LRRC9: variants seen among roughly 807,000 people sequenced by gnomAD.
The protein encoded by LRRC9 is leucine-rich repeat-containing protein 9.
In LRRC9, 122 loss-of-function variants were observed where a neutral mutation model predicts 63.2. The ratio of observed to expected loss-of-function variants is 1.93; its 90% CI spans 1.67 to 2.24. LRRC9 has a LOEUF of 2.24. Among genes scored for constraint, LRRC9 ranks in the 30% most tolerant of loss-of-function variants. LRRC9 has a pLI of 0.00. For missense variants in LRRC9, 1,071 were observed against 627.7 expected (o/e 1.71, Z -7.55); for synonymous variants, 366 against 213.1 (o/e 1.72, Z -6.25).
At chr14:60,007,999 G>A in intron 22 of LRRC9, 93 bp from the exon 23 acceptor site, 9 of 444,492 alleles carry the variant, frequency 2.0e-5, no homozygotes, top group South Asian at 8.5e-5. Context: ...TGGAATGATA[G>A]ATAATTCCAA....
rs1894013774 is a variant in LRRC9 at position 60,053,136 on chromosome 14, T to C, written c.4062T>C (p.Ser1354=). The change falls in exon 30 of 32, where the codon AGT becomes AGC. Residue 1354 remains serine (S), a synonymous_variant. Coordinates refer to ENST00000445360, the Ensembl canonical transcript of LRRC9. The surrounding 1 kb of genome is among the most constrained non-coding windows in gnomAD (Gnocchi z 4.8). ...CTAACTTACAGATGTTAGATGGAAG[T>C]CCTGTGAATTCAGATGATAGGGCAA... The C allele has an allele frequency of 1.4e-6, 1 of 702,078 alleles. No individual in the cohort carries two copies. Among genetic ancestry groups the C allele is most frequent in the East Asian group, 2.7e-5 (1 of 37,248 alleles). 43.5% of individuals were successfully genotyped at this position (702,078 alleles called of 1,614,324 possible).
chr14:59,984,950 T>C (rs1481229330), intron 16 of LRRC9, among the ~76,000 whole-genome samples, 155 bp from the exon 17 acceptor site: 1 of 152,220 alleles, frequency 6.6e-6, no homozygotes, highest in African/African-American at 2.4e-5. Flanking sequence ...TTTTTTCTTA[T>C]TGACTGTTTC....
chr14:59,998,545 T>C (rs1889035073), intron 18 of LRRC9, among the ~76,000 whole-genome samples: 1 of 152,064 alleles, frequency 6.6e-6, no homozygotes. Context: ...TCTCTGCCTT[T>C]AAAAGATGTA....
At chr14:59,993,670 T>C (rs903999458) in intron 17 of LRRC9, among the ~76,000 whole-genome samples, 7 of 152,060 alleles carry the variant, frequency 4.6e-5, no homozygotes, top group Middle Eastern at 3.2e-3. Context: ...ATCCTAGTCT[T>C]TGATAAAACA....
intron 10 of LRRC9, among the ~76,000 whole-genome samples, chr14:59,963,389 C>T (rs1009150420): frequency 1.3e-5 from 2 of 151,798 alleles, no homozygotes; most frequent in African/African-American, 4.8e-5. Flanking sequence ...CGATGTGTTG[C>T]CAATTGAGTT....
chr14:59,932,042 AT>A lies in LRRC9; in HGVS notation c.543+4del, dbSNP rs1889753289. The A allele has an allele frequency of 1.4e-6, 1 of 698,434 alleles. No homozygotes were observed. The highest frequency in any genetic ancestry group is 1.8e-5 in the African/African-American group (1 of 57,014). 43.3% of individuals were successfully genotyped at this position (698,434 alleles called of 1,614,324 possible). A position where few individuals can be genotyped will look rare whatever the true frequency, so the allele number is the denominator to read the frequency against. Reference sequence around the variant, plus strand: ...GTAACCAAATATGTTCTTTCAAGGTATGTTTAAGTGGAATAATTAATTTTTA... The same window carrying A: ...GTAACCAAATATGTTCTTTCAAGGTAGTTTAAGTGGAATAATTAATTTTTA... On this transcript the variant is annotated splice_donor_region_variant and intron_variant, in intron 6 of 31. Coordinates refer to ENST00000445360, the Ensembl canonical transcript of LRRC9. The surrounding 1 kb of genome is among the most constrained non-coding windows in gnomAD (Gnocchi z 4.7).
chr14:60,057,892 C>A, exon 31 of LRRC9: 1 of 671,734 alleles, frequency 1.5e-6, no homozygotes, highest in Non-Finnish European at 2.7e-6. Context: ...TTCCTGTTAC[C>A]CACTCTCCTA....
At chr14:59,973,035 T>C (rs1885699453) in intron 12 of LRRC9, among the ~76,000 whole-genome samples, 2 of 152,138 alleles carry the variant, frequency 1.3e-5, no homozygotes. Context: ...GAGTAGATTC[T>C]TAGTAGAAAT....
At position 60,004,764 on chromosome 14, in the gene LRRC9, C is replaced by G. The variant is rs1336177207; in HGVS notation, c.2842+966C>G. ...GAAGCTTTCCATGACTTGCTACCAA[C>G]TTTCTCTTATTCTCCCTCTCCATCT... On this transcript the variant is annotated intron_variant, in intron 21 of 31. Coordinates refer to ENST00000445360, the Ensembl canonical transcript of LRRC9. The surrounding 1 kb of genome is among the most constrained non-coding windows in gnomAD (Gnocchi z 4.8). 6.6e-6 allele frequency among the ~76,000 whole-genome samples: 1 copy of G among 152,090 alleles called. No individual in the cohort carries two copies. Among genetic ancestry groups the G allele is most frequent in the Non-Finnish European group, 1.5e-5 (1 of 67,958 alleles).
intron 12 of LRRC9, among the ~76,000 whole-genome samples, chr14:59,969,868 C>T (rs1176389348): frequency 1.3e-5 from 2 of 152,164 alleles, no homozygotes; most frequent in African/African-American, 2.4e-5. Context: ...TGTACATCTT[C>T]AGTTAGGCTA....
At chr14:59,948,345 TG>T (rs1882697757) in intron 8 of LRRC9, among the ~76,000 whole-genome samples, 1 of 144,914 alleles carries the variant, frequency 6.9e-6, no homozygotes, top group Non-Finnish European at 1.5e-5. Context: ...TTGTGATTTT[TG>T]TACATTAATT....
chr14:60,033,457 T>C (rs908107806), intron 29 of LRRC9, among the ~76,000 whole-genome samples: 2 of 152,132 alleles, frequency 1.3e-5, no homozygotes, highest in African/African-American at 4.8e-5. Context: ...TATAAAAGTT[T>C]AGGGAAATTC....
rs931138667 is a variant in LRRC9, at chr14:60,004,319, A to C, written c.2842+521A>C. ...CAGACTAGTTCTGTTTTGAAAATAT[A>C]AAATTGAGGTTATATTTGGAAATTT... On this transcript the variant is annotated intron_variant, in intron 21 of 31. Coordinates refer to ENST00000445360, the Ensembl canonical transcript of LRRC9. This position sits in a 1 kb window ranked among gnomAD's most constrained non-coding sequence, Gnocchi z 4.8. Among the ~76,000 whole-genome samples the C allele has an allele frequency of 6.6e-6, 1 of 152,130 alleles. No homozygotes were observed. The highest frequency in any genetic ancestry group is 1.5e-5 in the Non-Finnish European group (1 of 67,988).
Position 60,018,412 on chromosome 14 carries a change from G to A in LRRC9, c.3359G>A (p.Cys1120Tyr), listed in dbSNP as rs776407990. ...CCAGTCGACCAATTTAGAAATGTGT[G>A]TAATGTGAATCTACAGAACAATCAT... Residue 1120 changes from cysteine to tyrosine, a missense_variant, in exon 25 of 32, where the codon TGT (cysteine) becomes TAT (tyrosine). Cys to Tyr is a radical substitution (Grantham distance 194). Coordinates refer to ENST00000445360, the Ensembl canonical transcript of LRRC9. 1.9e-5 allele frequency: 13 copies of A among 700,522 alleles called. No homozygotes were observed. In the South Asian group the frequency reaches 1.9e-4, roughly 10 times the overall value. 43.4% of individuals were successfully genotyped at this position (700,522 alleles called of 1,614,324 possible). A position where few individuals can be genotyped will look rare whatever the true frequency, so the allele number is the denominator to read the frequency against.
rs892596294 is a variant in LRRC9, at chr14:59,975,810, T to C, written c.1639+1102T>C. 3.9e-5 allele frequency among the ~76,000 whole-genome samples: 6 copies of C among 152,226 alleles called. No homozygotes were observed. In the East Asian group the frequency reaches 9.6e-4, roughly 24 times the overall value. The stretch of plus-strand genomic sequence containing the variant: ...ATCAGGTCAGGGAGTAAGGAACACC[T>C]ATTCTTTAGTCTCAACCATCCGACC... On this transcript the variant is annotated intron_variant, in intron 13 of 31. Transcript: ENST00000445360.
At chr14:59,951,694 G>A (rs61992218) in intron 8 of LRRC9, among the ~76,000 whole-genome samples, 5 of 149,428 alleles carry the variant, frequency 3.3e-5, no homozygotes, top group Non-Finnish European at 7.4e-5. Context: ...TGTCCTTTCT[G>A]TTTGTTAGTT....
chr14:60,004,044 T>C lies in LRRC9; in HGVS notation c.2842+246T>C, dbSNP rs1889610315. 6.6e-6 allele frequency among the ~76,000 whole-genome samples: 1 copy of C among 152,178 alleles called. No individual in the cohort carries two copies. The highest frequency in any genetic ancestry group is 2.1e-4 in the South Asian group (1 of 4,834). On this transcript the variant is annotated intron_variant, in intron 21 of 31. Transcript: ENST00000445360. This position sits in a 1 kb window ranked among gnomAD's most constrained non-coding sequence, Gnocchi z 4.8. The stretch of plus-strand genomic sequence containing the variant: ...TACAAGATAAATGGATACAATATTA[T>C]CTGTCAAATTAAAAAATAAAAGATA...
intron 23 of LRRC9, among the ~76,000 whole-genome samples, chr14:60,012,883 A>G (rs1272123410): frequency 6.6e-6 from 1 of 152,058 alleles, no homozygotes; most frequent in African/African-American, 2.4e-5. Context: ...CACAAAAGCA[A>G]TGGTATTTCT....
rs1273267304 is a variant in LRRC9 at position 60,007,896 on chromosome 14, G to A, written c.3064-196G>A. ...TTGAGGCTGCAATGAGCTATGATCA[G>A]ACCACTGCACTCCAGCCTGAGCAAC... On this transcript the variant is annotated intron_variant, in intron 22 of 31. Coordinates refer to ENST00000445360, the Ensembl canonical transcript of LRRC9. 3.6e-5 allele frequency among the ~76,000 whole-genome samples: 5 copies of A among 140,026 alleles called. No individual in the cohort carries two copies. The Admixed American group carries it at 3.8e-4, about 11-fold the overall frequency. 91.9% of individuals were successfully genotyped at this position (140,026 alleles called of 152,430 possible). A position where few individuals can be genotyped will look rare whatever the true frequency, so the allele number is the denominator to read the frequency against.
Sources: allele counts gnomAD v4.1 joint callset (sites outside exome capture counted in the v4.1 genomes callset), GRCh38; gene constraint gnomAD v4.1.1; non-coding constraint Gnocchi (gnomAD v3.1); transcripts MANE v1.5; gene names NCBI Gene and HGNC (gene_info 2026-07-23, HGNC 2026-07-21).